POLR3H: variants seen among roughly 807,000 people sequenced by gnomAD.
The protein encoded by POLR3H is DNA-directed RNA polymerase III subunit RPC8.
In POLR3H, 17 loss-of-function variants were observed where a neutral mutation model predicts 25.5. That is an observed-to-expected ratio of 0.67 (90% confidence interval 0.46 to 1.00). The LOEUF (loss-of-function observed/expected upper bound fraction) is 1.00. Among genes scored for constraint, POLR3H ranks in the 50% least tolerant of loss-of-function variants. The pLI is 0.00. For missense variants in POLR3H, 274 were observed against 265.0 expected (o/e 1.03, Z -0.24); for synonymous variants, 129 against 103.0 (o/e 1.25, Z -1.53).
chr22:41,526,418 T>G lies in POLR3H; in HGVS notation c.*2865A>C. 6.2e-7 allele frequency: 1 copy of G among 1,613,604 alleles called. No homozygotes were observed. Among genetic ancestry groups the G allele is most frequent in the Non-Finnish European group, 8.5e-7 (1 of 1,179,848 alleles). The stretch of plus-strand genomic sequence containing the variant: ...CGTGCGCAATGCCGTCACTCAGGAG[T>G]TTGGCCCCGTCCCTGACACTGCCCG... On this transcript the variant is annotated 3_prime_UTR_variant, in exon 6 of 6. Transcript: ENST00000355209.
chr22:41,537,677 C>A (rs1305253486), intron 2 of POLR3H, among the ~76,000 whole-genome samples: 2 of 152,184 alleles, frequency 1.3e-5, no homozygotes, highest in African/African-American at 2.4e-5. Flanking sequence ...AGAATTAATT[C>A]AAATCTAGGT....
rs1159297047 is a variant in POLR3H at position 41,530,729 on chromosome 22, G to A, written c.519C>T (p.Ser173=). Residue 173 remains serine (S), a synonymous_variant, in exon 5 of 6, where the codon TCC becomes TCT. Transcript: ENST00000355209. Reference sequence around the variant, plus strand: ...CCTCCTTCTTTGGCAGCTCCTCACTGGAAGTGGTGGCATCTGCTGAGCTGG... The same window carrying A: ...CCTCCTTCTTTGGCAGCTCCTCACTAGAAGTGGTGGCATCTGCTGAGCTGG... ...TGPSSADATT[S]SEELPKKEAP... The A allele has an allele frequency of 1.9e-6, 3 of 1,613,748 alleles. 1 individual carries two copies. The highest frequency in any genetic ancestry group is 2.2e-5 in the South Asian group (2 of 91,074).
At chr22:41,532,585 C>G in intron 3 of POLR3H, 74 bp downstream of exon 3, 1 of 1,611,504 alleles carries the variant, frequency 6.2e-7, no homozygotes, top group South Asian at 1.1e-5. Context: ...CTCCCCTGAC[C>G]ATGTGGGTGG....
At chr22:41,531,553 G>A (rs1006907798) in intron 4 of POLR3H, among the ~76,000 whole-genome samples, 2 of 152,234 alleles carry the variant, frequency 1.3e-5, no homozygotes, top group African/African-American at 4.8e-5. Flanking sequence ...TGCACCGTGG[G>A]TACAGCTGTG....
In POLR3H at chr22:41,527,862, A is replaced by G; in HGVS notation, c.*1421T>C. 1 of 1,614,000 alleles carries G rather than the reference A, an allele frequency of 6.2e-7. No individual in the cohort carries two copies. Among genetic ancestry groups the G allele is most frequent in the Admixed American group, 1.7e-5 (1 of 60,020 alleles). On this transcript the variant is annotated 3_prime_UTR_variant, in exon 6 of 6. Transcript: ENST00000355209. ...TTCAGAAAATGAAGCTCTCCAGGCT[A>G]GTCAGGCCCCCGATGACCGAATGCC...
In POLR3H at chr22:41,542,561, C is replaced by T. The variant is rs116939722; in HGVS notation, c.111+1430G>A. On this transcript the variant is annotated intron_variant, in intron 1 of 5. Transcript: ENST00000355209. Reference sequence around the variant, plus strand: ...CTGCAGGTCCCCTCATTCCAGGGGACGTTCCTTTGTTCCACAGGTGTGTGA... The same window carrying T: ...CTGCAGGTCCCCTCATTCCAGGGGATGTTCCTTTGTTCCACAGGTGTGTGA... 1.1e-4 allele frequency among the ~76,000 whole-genome samples: 16 copies of T among 152,284 alleles called. 1 individual carries two copies. In the East Asian group the frequency reaches 2.3e-3, roughly 22 times the overall value.
In POLR3H at chr22:41,544,396, C is replaced by CG. The variant is rs2066987688; in HGVS notation, c.-296_-295insC. On this transcript the variant is annotated 5_prime_UTR_variant, in exon 1 of 6. Transcript: ENST00000355209. ...CGCCACGCCACTCCACGCCCCGCAC[C>CG]CGCGCCACGTGCCGCCGCTCGTATC... 1 of 271,976 alleles carries CG rather than the reference C, an allele frequency of 3.7e-6. No individual in the cohort carries two copies. Among genetic ancestry groups the CG allele is most frequent in the African/African-American group, 2.4e-5 (1 of 42,252 alleles). 16.8% of individuals were successfully genotyped at this position (271,976 alleles called of 1,614,324 possible).
chr22:41,526,756 T>G lies in POLR3H; in HGVS notation c.*2527A>C. ...ACTCAGGAAGTCAGAGGCCAAAAGC[T>G]CAGAGAGGGGGCTACACGGGGCCTC... On this transcript the variant is annotated 3_prime_UTR_variant, in exon 6 of 6. Coordinates refer to ENST00000355209, the MANE Select transcript of POLR3H (RefSeq NM_001018050.4). 1 of 366,776 alleles carries G rather than the reference T, an allele frequency of 2.7e-6. No homozygotes were observed. The highest frequency in any genetic ancestry group is 2.1e-5 in the African/African-American group (1 of 48,482). 22.7% of individuals were successfully genotyped at this position (366,776 alleles called of 1,614,324 possible).
chr22:41,531,944 T>G (rs1054202492), intron 4 of POLR3H, 150 bp downstream of exon 4: 50 of 642,178 alleles, frequency 7.8e-5, no homozygotes, highest in South Asian at 5.6e-5. Flanking sequence ...GACAGGCTGG[T>G]GCCTCTGGAG....
At chr22:41,533,033 G>A (rs2066772661) in intron 2 of POLR3H, among the ~76,000 whole-genome samples, 1 of 152,186 alleles carries the variant, frequency 6.6e-6, no homozygotes, top group African/African-American at 2.4e-5. Flanking sequence ...CTCCCTCCAG[G>A]CTCTCCTTCA....
Position 41,526,137 on chromosome 22 carries a change from G to C in POLR3H, c.*3146C>G, listed in dbSNP as rs2066589732. The C allele has an allele frequency of 5.1e-6, 4 of 776,790 alleles. 1 individual carries two copies. The allele number at this position is 776,790 out of a possible 1,614,324, so 48.1% of individuals were successfully genotyped here. A position where few individuals can be genotyped will look rare whatever the true frequency, so the allele number is the denominator to read the frequency against. On this transcript the variant is annotated 3_prime_UTR_variant, in exon 6 of 6. Coordinates refer to ENST00000355209, the MANE Select transcript of POLR3H (RefSeq NM_001018050.4). The stretch of plus-strand genomic sequence containing the variant: ...CCACAGAACACGTGTCTGAAGACTT[G>C]CCTGCCTCTCACCCCTCTGTCACCC...
intron 2 of POLR3H, among the ~76,000 whole-genome samples, chr22:41,534,637 A>C (rs1050515519): frequency 1.3e-5 from 2 of 152,106 alleles, no homozygotes; most frequent in Non-Finnish European, 2.9e-5. Context: ...CAAGTCTGTA[A>C]TCCCAGCACT....
In POLR3H at chr22:41,526,177, G is replaced by A. The variant is rs1486883785; in HGVS notation, c.*3106C>T. ...CTCTGTCACCCCTCCTGGGCCCCGG[G>A]GCCTGCTGCCTGCCTCTGGAGGGCT... On this transcript the variant is annotated 3_prime_UTR_variant, in exon 6 of 6. Coordinates refer to ENST00000355209, the MANE Select transcript of POLR3H (RefSeq NM_001018050.4). 1 of 1,290,900 alleles carries A rather than the reference G, an allele frequency of 7.7e-7. No individual in the cohort carries two copies. The highest frequency in any genetic ancestry group is 1.1e-6 in the Non-Finnish European group (1 of 926,196). The allele number at this position is 1,290,900 out of a possible 1,614,324, so 80.0% of individuals were successfully genotyped here. A position where few individuals can be genotyped will look rare whatever the true frequency, so the allele number is the denominator to read the frequency against.
Position 41,527,908 on chromosome 22 carries a change from C to T in POLR3H, c.*1375G>A, listed in dbSNP as rs2066637330. 3 of 1,614,062 alleles carry T rather than the reference C, an allele frequency of 1.9e-6. No individual in the cohort carries two copies. Among genetic ancestry groups the T allele is most frequent in the Middle Eastern group, 1.6e-4 (1 of 6,084 alleles). On this transcript the variant is annotated 3_prime_UTR_variant, in exon 6 of 6. Transcript: ENST00000355209. ...ATGCCGCCTGCTTTCCAGAGACCAA[C>T]CTGAAGAAACAGGGCCTGCTGCCTC...
rs2066621326 is a variant in POLR3H at position 41,527,294 on chromosome 22, G to A, written c.*1989C>T. ...ACCCCCGCTTGCCTGACAGAAACAT[G>A]GCATCAGGTGGGTGGTGATCGGAGA... On this transcript the variant is annotated 3_prime_UTR_variant, in exon 6 of 6. Transcript: ENST00000355209. The A allele has an allele frequency of 6.2e-7, 1 of 1,614,086 alleles. No individual in the cohort carries two copies. Among genetic ancestry groups the A allele is most frequent in the Admixed American group, 1.7e-5 (1 of 60,002 alleles).
chr22:41,540,385 G>T (rs1380940826), intron 2 of POLR3H: 5 of 398,538 alleles, frequency 1.3e-5, no homozygotes, highest in Non-Finnish European at 2.4e-5. Flanking sequence ...GAGAAGAGAA[G>T]TCTGCCGCTG....
In POLR3H at chr22:41,527,426, C is replaced by G; in HGVS notation, c.*1857G>C. On this transcript the variant is annotated 3_prime_UTR_variant, in exon 6 of 6. Coordinates refer to ENST00000355209, the MANE Select transcript of POLR3H (RefSeq NM_001018050.4). ...GAGCTTTGCCAGGATCCACGGTGAGCTGGAGTCTGTACCCAGGCCATCCTC... is the reference window on the plus strand; with the variant it reads ...GAGCTTTGCCAGGATCCACGGTGAGGTGGAGTCTGTACCCAGGCCATCCTC... 1.2e-6 allele frequency: 2 copies of G among 1,607,314 alleles called. No individual in the cohort carries two copies. Among genetic ancestry groups the G allele is most frequent in the Non-Finnish European group, 1.7e-6 (2 of 1,177,410 alleles).
chr22:41,526,050 G>C lies in POLR3H; in HGVS notation c.*3233C>G, dbSNP rs779502330. The C allele has an allele frequency of 2.5e-5, 13 of 514,618 alleles. No individual in the cohort carries two copies. In the Admixed American group the frequency reaches 3.0e-4, roughly 12 times the overall value. 31.9% of individuals were successfully genotyped at this position (514,618 alleles called of 1,614,324 possible). ...CCATAAGGGAGACTGAGCAGCCAGA[G>C]GCCTTTGAGGGGATGAAGGCCTGGC... On this transcript the variant is annotated 3_prime_UTR_variant, in exon 6 of 6. Coordinates refer to ENST00000355209, the MANE Select transcript of POLR3H (RefSeq NM_001018050.4).
In POLR3H at chr22:41,529,015, G is replaced by A; in HGVS notation, c.*268C>T. 1.9e-6 allele frequency: 1 copy of A among 540,344 alleles called. No individual in the cohort carries two copies. The highest frequency in any genetic ancestry group is 4.8e-4 in the Middle Eastern group (1 of 2,064). The allele number at this position is 540,344 out of a possible 1,614,324, so 33.5% of individuals were successfully genotyped here. A position where few individuals can be genotyped will look rare whatever the true frequency, so the allele number is the denominator to read the frequency against. On this transcript the variant is annotated 3_prime_UTR_variant, in exon 6 of 6. Transcript: ENST00000355209. ...GTGATTGGTGTCTGTGCCGTTTGTTGTCAAGTCCAGGGTCCAGGAAGGGTC... is the reference window on the plus strand; with the variant it reads ...GTGATTGGTGTCTGTGCCGTTTGTTATCAAGTCCAGGGTCCAGGAAGGGTC...
Sources: allele counts gnomAD v4.1 joint callset (sites outside exome capture counted in the v4.1 genomes callset), GRCh38; gene constraint gnomAD v4.1.1; transcripts MANE v1.5; gene names NCBI Gene and HGNC (gene_info 2026-07-23, HGNC 2026-07-21).